VSNL1: variants seen among roughly 807,000 people sequenced by gnomAD.
The protein encoded by VSNL1 is visinin-like protein 1.
Under a neutral mutation model 20.4 loss-of-function variants are expected in VSNL1, and 6 were observed. The ratio of observed to expected loss-of-function variants is 0.29; its 90% CI spans 0.16 to 0.58. The LOEUF (loss-of-function observed/expected upper bound fraction) is 0.58. Among genes scored for constraint, VSNL1 ranks in the 20% least tolerant of loss-of-function variants. VSNL1 has a pLI of 0.90. For missense variants in VSNL1, 100 were observed against 234.5 expected (o/e 0.43, Z 3.75); for synonymous variants, 93 against 86.4 (o/e 1.08, Z -0.42).
At position 17,631,877 on chromosome 2, in the gene VSNL1, TTTGTTG is replaced by T. The variant is rs372839819; in HGVS notation, c.163-17515_163-17510del. Among the ~76,000 whole-genome samples the T allele has an allele frequency of 3.3e-5, 5 of 151,844 alleles. No individual in the cohort carries two copies. In the East Asian group the frequency reaches 7.8e-4, roughly 24 times the overall value. On this transcript the variant is annotated intron_variant, in intron 2 of 3. Transcript: ENST00000295156. ...CTTAATGACTAGAATGAAGGTAAGGTTTGTTGTTGTTGTTGTTGTTGTTTTCCGAGA... is the reference window on the plus strand; with the variant it reads ...CTTAATGACTAGAATGAAGGTAAGGTTTGTTGTTGTTGTTGTTTTCCGAGA...
chr2:17,568,920 A>G (rs947274899), intron 1 of VSNL1, among the ~76,000 whole-genome samples: 4 of 152,182 alleles, frequency 2.6e-5, no homozygotes, highest in Non-Finnish European at 4.4e-5. Flanking sequence ...GCTGATGAGA[A>G]GGCTGACTTT....
intron 2 of VSNL1, among the ~76,000 whole-genome samples, chr2:17,630,143 G>A (rs1665599905): frequency 6.6e-6 from 1 of 152,214 alleles, no homozygotes; most frequent in Admixed American, 6.5e-5. Flanking sequence ...TTTACTTGTA[G>A]CTTGGATTTC....
chr2:17,599,225 A>C (rs752833954), intron 2 of VSNL1, among the ~76,000 whole-genome samples: 6 of 152,244 alleles, frequency 3.9e-5, no homozygotes, highest in Non-Finnish European at 2.9e-5. Flanking sequence ...GGAACAGGAA[A>C]GACAAGGAAG....
At chr2:17,597,361 A>G (rs1191959428) in intron 2 of VSNL1, among the ~76,000 whole-genome samples, 2 of 151,960 alleles carry the variant, frequency 1.3e-5, no homozygotes, top group African/African-American at 4.8e-5. Context: ...CCTCAATTCT[A>G]CTGCTTATTA....
intron 3 of VSNL1, among the ~76,000 whole-genome samples, chr2:17,651,876 T>C (rs1666129749): frequency 6.6e-6 from 1 of 152,264 alleles, no homozygotes; most frequent in Non-Finnish European, 1.5e-5. Flanking sequence ...CATTAGAGTG[T>C]CTGTATTTTG....
intron 1 of VSNL1, among the ~76,000 whole-genome samples, chr2:17,565,669 A>G (rs1269312666): frequency 6.6e-6 from 1 of 152,238 alleles, no homozygotes; most frequent in Non-Finnish European, 1.5e-5. Context: ...AAACTGTGTT[A>G]GGATAACTGA....
intron 1 of VSNL1, among the ~76,000 whole-genome samples, chr2:17,553,402 A>G (rs1221549095): frequency 1.3e-5 from 2 of 152,208 alleles, no homozygotes; most frequent in African/African-American, 4.8e-5. Flanking sequence ...GATTAAAACT[A>G]ATAGAAAAAT....
intron 2 of VSNL1, among the ~76,000 whole-genome samples, chr2:17,626,435 C>A (rs902108380): frequency 2.0e-5 from 3 of 152,160 alleles, no homozygotes; most frequent in African/African-American, 7.2e-5. Context: ...CCCAGAGCCT[C>A]GGTGCACAGG....
chr2:17,580,560 C>T (rs1232023895), intron 1 of VSNL1, among the ~76,000 whole-genome samples: 4 of 152,184 alleles, frequency 2.6e-5, no homozygotes, highest in Admixed American at 2.0e-4. Context: ...AGTGTTTTCC[C>T]GTGTGACTTT....
At chr2:17,626,370 T>G (rs1665509122) in intron 2 of VSNL1, among the ~76,000 whole-genome samples, 1 of 152,174 alleles carries the variant, frequency 6.6e-6, no homozygotes, top group South Asian at 2.1e-4. Flanking sequence ...TGTGGAAGTC[T>G]TAGGAACTGG....
intron 1 of VSNL1, among the ~76,000 whole-genome samples, chr2:17,565,556 C>T (rs1238633227): frequency 1.3e-5 from 2 of 152,038 alleles, no homozygotes; most frequent in African/African-American, 4.8e-5. Context: ...CTCAAAAGTA[C>T]TTTTAGATCA....
intron 2 of VSNL1, among the ~76,000 whole-genome samples, chr2:17,636,886 G>GC (rs1665762579): frequency 6.6e-6 from 1 of 152,160 alleles, no homozygotes; most frequent in African/African-American, 2.4e-5. Context: ...CAAAACATTG[G>GC]CCTCTCTTTA....
intron 2 of VSNL1, among the ~76,000 whole-genome samples, chr2:17,618,021 C>G (rs11683808): frequency 6.6e-6 from 1 of 151,894 alleles, no homozygotes; most frequent in South Asian, 2.1e-4. Flanking sequence ...CAGCAGTACC[C>G]GGGGAAAGAA....
At chr2:17,585,737 A>G (rs939059219) in intron 1 of VSNL1, among the ~76,000 whole-genome samples, 7 of 152,156 alleles carry the variant, frequency 4.6e-5, no homozygotes, top group African/African-American at 1.4e-4. Flanking sequence ...AAGGGCTTAA[A>G]GCAGAGGAGC....
At chr2:17,582,222 G>A (rs1558289026) in intron 1 of VSNL1, among the ~76,000 whole-genome samples, 1 of 152,136 alleles carries the variant, frequency 6.6e-6, no homozygotes, top group Non-Finnish European at 1.5e-5. Context: ...GGTGCCAGGA[G>A]GGGTGAGGGG....
chr2:17,585,396 AC>A (rs1390295471), intron 1 of VSNL1, among the ~76,000 whole-genome samples: 5 of 151,180 alleles, frequency 3.3e-5, no homozygotes, highest in African/African-American at 7.3e-5. Flanking sequence ...AAAAAAAAAA[AC>A]ATACAATATG....
At chr2:17,609,413 G>A (rs186945705) in intron 2 of VSNL1, among the ~76,000 whole-genome samples, 44 of 152,330 alleles carry the variant, frequency 2.9e-4, no homozygotes, top group African/African-American at 1.0e-3. Context: ...TTGGCCACAT[G>A]TTCAGTTAAA....
chr2:17,639,928 C>A (rs1181534438), intron 2 of VSNL1, among the ~76,000 whole-genome samples: 1 of 152,344 alleles, frequency 6.6e-6, no homozygotes, highest in Non-Finnish European at 1.5e-5. Context: ...GCAGCCAATT[C>A]TCCTCTATCC....
chr2:17,554,701 G>T (rs1347168677), intron 1 of VSNL1, among the ~76,000 whole-genome samples: 2 of 151,972 alleles, frequency 1.3e-5, no homozygotes, highest in African/African-American at 4.8e-5. Context: ...AGTGAGGGTT[G>T]GGAATTTGCC....
Sources: allele counts gnomAD v4.1 joint callset (sites outside exome capture counted in the v4.1 genomes callset), GRCh38; gene constraint gnomAD v4.1.1; transcripts MANE v1.5; gene names NCBI Gene and HGNC (gene_info 2026-07-23, HGNC 2026-07-21).